Variants in DAB1 observed in about 807,000 individuals in gnomAD.
The protein encoded by DAB1 is disabled homolog 1.
DAB1 carries 15 observed loss-of-function variants against 64.6 expected under a neutral mutation model. The ratio of observed to expected loss-of-function variants is 0.23; its 90% CI spans 0.16 to 0.36. DAB1 has a LOEUF of 0.36. DAB1 is among the 10% of genes least tolerant of loss of function. The probability of loss-of-function intolerance (pLI) is 1.00; values close to 1 mark genes in which losing one functional copy is unlikely to be tolerated. For missense variants in DAB1, 596 were observed against 706.7 expected (o/e 0.84, Z 1.78); for synonymous variants, 235 against 251.9 (o/e 0.93, Z 0.64).
chr1:58,493,225 G>T (rs1038331999), intron 3 of DAB1, among the ~76,000 whole-genome samples: 1 of 152,062 alleles, frequency 6.6e-6, no homozygotes, highest in Non-Finnish European at 1.5e-5. Context: ...AGCCCTTCAT[G>T]CTAAAAACTC....
intron 4 of DAB1, among the ~76,000 whole-genome samples, chr1:58,304,771 T>C (rs1662267382): frequency 6.6e-6 from 1 of 152,148 alleles, no homozygotes; most frequent in African/African-American, 2.4e-5. Context: ...TGGAATCCCT[T>C]GTTTCTCACT....
chr1:58,121,524 T>C (rs1232559679), intron 5 of DAB1, among the ~76,000 whole-genome samples: 1 of 152,142 alleles, frequency 6.6e-6, no homozygotes, highest in Admixed American at 6.5e-5. Context: ...GATTCAGTTC[T>C]CTCTCAAAAT....
intron 7 of DAB1, among the ~76,000 whole-genome samples, chr1:57,497,652 G>A (rs774641322): frequency 5.9e-5 from 9 of 152,182 alleles, no homozygotes; most frequent in Non-Finnish European, 8.8e-5. Flanking sequence ...CAGGGTGTAC[G>A]CTAGGTAAAG....
intron 1 of DAB1, among the ~76,000 whole-genome samples, chr1:57,845,404 T>A (rs1159056750): frequency 1.3e-5 from 2 of 152,192 alleles, no homozygotes; most frequent in Non-Finnish European, 2.9e-5. Context: ...CAGTCTTGTA[T>A]CCAATTTCTG....
chr1:57,179,698 A>G (rs1344954095), intron 2 of DAB1, among the ~76,000 whole-genome samples: 1 of 152,180 alleles, frequency 6.6e-6, no homozygotes, highest in East Asian at 1.9e-4. Context: ...TTTGAAAGCC[A>G]TTGGGGAAAC....
At chr1:57,274,718 C>T (rs1671315230) in intron 2 of DAB1, among the ~76,000 whole-genome samples, 1 of 152,014 alleles carries the variant, frequency 6.6e-6, no homozygotes, top group African/African-American at 2.4e-5. Context: ...GTAGCTGGGA[C>T]TACAGGCGAG....
At chr1:57,694,162 T>G (rs1479997672) in intron 6 of DAB1, among the ~76,000 whole-genome samples, 1 of 152,212 alleles carries the variant, frequency 6.6e-6, no homozygotes, top group Non-Finnish European at 1.5e-5. Flanking sequence ...TGGATATAGA[T>G]AGCTGTGATT....
At chr1:57,666,300 T>C (rs1377436987) in intron 6 of DAB1, among the ~76,000 whole-genome samples, 1 of 152,168 alleles carries the variant, frequency 6.6e-6, no homozygotes, top group Non-Finnish European at 1.5e-5. Context: ...GACATTAGAA[T>C]AGAATATCAA....
chr1:57,887,946 C>A (rs1644250370), upstream of DAB1, among the ~76,000 whole-genome samples: 1 of 152,074 alleles, frequency 6.6e-6, no homozygotes, highest in Admixed American at 6.6e-5. Context: ...GAGTGAATAG[C>A]CAAGTTGATG....
intron 1 of DAB1, among the ~76,000 whole-genome samples, chr1:57,325,756 G>A (rs1379259070): frequency 6.6e-6 from 1 of 152,160 alleles, no homozygotes; most frequent in African/African-American, 2.4e-5. Flanking sequence ...CAAACTCCAT[G>A]AAGTTTAAAA....
In DAB1 at chr1:58,290,378, A is replaced by G. The variant is rs79417732; in HGVS notation, n.309+52974T>C. Reference sequence around the variant, plus strand: ...GGGCATCATAGACAGAATGAACAGTATGAGCAAGTCATAAAGCAGCATGAT... The same window carrying G: ...GGGCATCATAGACAGAATGAACAGTGTGAGCAAGTCATAAAGCAGCATGAT... On this transcript the variant is annotated intron_variant and non_coding_transcript_variant, in intron 4 of 20. Coordinates refer to the DAB1 transcript ENST00000485760. Among the ~76,000 whole-genome samples, 995 of 152,314 alleles carry G rather than the reference A, an allele frequency of 6.5e-3. 14 individuals carry two copies. Among genetic ancestry groups the G allele is most frequent in the African/African-American group, 0.023 (953 of 41,558 alleles).
intron 4 of DAB1, among the ~76,000 whole-genome samples, chr1:58,172,061 A>G (rs1340170462): frequency 6.6e-6 from 1 of 152,176 alleles, no homozygotes; most frequent in Non-Finnish European, 1.5e-5. Flanking sequence ...ATACAGCGAG[A>G]TAGCCAGGCC....
At chr1:57,471,652 T>C (rs1051958170) in intron 7 of DAB1, among the ~76,000 whole-genome samples, 8 of 152,348 alleles carry the variant, frequency 5.3e-5, no homozygotes, top group African/African-American at 1.9e-4. Context: ...ACTCATTTCT[T>C]GTCTGCCGCC....
At chr1:57,614,372 T>C (rs866732146) in intron 7 of DAB1, among the ~76,000 whole-genome samples, 3 of 152,186 alleles carry the variant, frequency 2.0e-5, no homozygotes, top group African/African-American at 7.2e-5. Context: ...TAAATGGTCA[T>C]TATTATTGCA....
chr1:57,388,133 A>T (rs1052478996), intron 1 of DAB1, among the ~76,000 whole-genome samples: 4 of 152,004 alleles, frequency 2.6e-5, no homozygotes, highest in African/African-American at 7.3e-5. Flanking sequence ...TCCTTTACAC[A>T]TTTCTCCTTG....
chr1:58,072,949 T>G (rs1469666281), intron 5 of DAB1, among the ~76,000 whole-genome samples: 1 of 152,228 alleles, frequency 6.6e-6, no homozygotes, highest in African/African-American at 2.4e-5. Flanking sequence ...ACTTTTATAG[T>G]GCTTCTATAG....
At chr1:57,843,728 C>A (rs1019280332) in intron 1 of DAB1, among the ~76,000 whole-genome samples, 3 of 152,136 alleles carry the variant, frequency 2.0e-5, no homozygotes, top group Non-Finnish European at 4.4e-5. Context: ...TGGCTTTCCC[C>A]CATGCACAGC....
intron 1 of DAB1, among the ~76,000 whole-genome samples, chr1:57,370,968 C>CT (rs1163480097): frequency 6.6e-6 from 1 of 152,158 alleles, no homozygotes; most frequent in African/African-American, 2.4e-5. Flanking sequence ...TGTCCCCTGA[C>CT]TTTTTTTATA....
intron 6 of DAB1, among the ~76,000 whole-genome samples, chr1:57,810,540 C>T (rs1327045503): frequency 1.3e-5 from 2 of 152,132 alleles, no homozygotes; most frequent in Non-Finnish European, 2.9e-5. Flanking sequence ...GCGAGGTACA[C>T]TTTGTACATA....
Sources: allele counts gnomAD v4.1 joint callset (sites outside exome capture counted in the v4.1 genomes callset), GRCh38; gene constraint gnomAD v4.1.1; transcripts MANE v1.5; gene names NCBI Gene and HGNC (gene_info 2026-07-23, HGNC 2026-07-21).